GBF1: variants seen among roughly 807,000 people sequenced by gnomAD.
The protein encoded by GBF1 is Golgi-specific brefeldin A-resistance guanine nucleotide exchange factor 1.
In GBF1, 114 loss-of-function variants were observed where a neutral mutation model predicts 210.5. The ratio of observed to expected loss-of-function variants is 0.54; its 90% CI spans 0.47 to 0.63. The LOEUF is 0.63. GBF1 is among the 30% of genes least tolerant of loss of function. GBF1 has a pLI of 0.00. For missense variants in GBF1, 1,851 were observed against 2,357.7 expected (o/e 0.79, Z 4.45); for synonymous variants, 850 against 889.2 (o/e 0.96, Z 0.78).
intron 3 of GBF1, among the ~76,000 whole-genome samples, chr10:102,307,414 T>C (rs1589576297): frequency 7.0e-6 from 1 of 142,800 alleles, no homozygotes; most frequent in Admixed American, 7.3e-5. Flanking sequence ...GGAATTGTTA[T>C]AGTGATGTTC....
intron 3 of GBF1, among the ~76,000 whole-genome samples, chr10:102,278,861 T>G (rs2075237999): frequency 6.6e-6 from 1 of 152,242 alleles, no homozygotes; most frequent in African/African-American, 2.4e-5. Flanking sequence ...TGTTCATTGG[T>G]GATACTAATT....
Position 102,377,122 on chromosome 10 carries a change from T to A in GBF1, c.4476T>A (p.Ser1492=). Residue 1492 remains serine, a synonymous_variant, in exon 33 of 40, where the codon TCT becomes TCA. Transcript: ENST00000369983. Reference sequence around the variant, plus strand: ...TGCCTGCCAGCTACCATACGGTGTCTTTACAGGTCAGTCAGGACGTAAGTA... The same window carrying A: ...TGCCTGCCAGCTACCATACGGTGTCATTACAGGTCAGTCAGGACGTAAGTA... ...EGVPASYHTV[S]LQVSQDLLDL... is the part of the protein sequence containing the mutation. 6.2e-7 allele frequency: 1 copy of A among 1,613,728 alleles called. No individual in the cohort carries two copies. The highest frequency in any genetic ancestry group is 8.5e-7 in the Non-Finnish European group (1 of 1,179,670).
intron 3 of GBF1, among the ~76,000 whole-genome samples, chr10:102,289,371 G>C (rs2076250779): frequency 6.6e-6 from 1 of 152,130 alleles, no homozygotes. Flanking sequence ...GAGGTGGGTG[G>C]AAGTGTGGGG....
chr10:102,326,316 G>A (rs1043700302), intron 3 of GBF1, among the ~76,000 whole-genome samples: 4 of 152,142 alleles, frequency 2.6e-5, no homozygotes, highest in Non-Finnish European at 5.9e-5. Context: ...GCTTCAATGA[G>A]AATATTATAA....
chr10:102,330,686 C>CAA (rs200631331), intron 3 of GBF1, among the ~76,000 whole-genome samples: 1 of 146,910 alleles, frequency 6.8e-6, no homozygotes, highest in African/African-American at 2.5e-5. Flanking sequence ...AATTCCATCT[C>CAA]AAAAAAAAAA....
intron 3 of GBF1, among the ~76,000 whole-genome samples, chr10:102,297,008 G>A (rs1413717258): frequency 6.6e-6 from 1 of 150,406 alleles, no homozygotes; most frequent in Admixed American, 6.7e-5. Context: ...TCGCACTACT[G>A]TACTCCAGCC....
chr10:102,328,035 G>C (rs1208321673), intron 3 of GBF1, among the ~76,000 whole-genome samples: 1 of 152,188 alleles, frequency 6.6e-6, no homozygotes, highest in African/African-American at 2.4e-5. Context: ...TTACTGTCCA[G>C]CTCACAGACA....
chr10:102,252,526 G>A (rs888099164), intron 1 of GBF1, among the ~76,000 whole-genome samples: 2 of 152,102 alleles, frequency 1.3e-5, no homozygotes, highest in Non-Finnish European at 2.9e-5. Flanking sequence ...CAAAGGCAAA[G>A]AGGCAGCAAA....
chr10:102,369,455 C>A, intron 24 of GBF1, 68 bp downstream of exon 24: 1 of 1,266,266 alleles, frequency 7.9e-7, no homozygotes, highest in Non-Finnish European at 1.1e-6. Context: ...GCTACCTGTA[C>A]ATAGAAGTAA....
intron 3 of GBF1, among the ~76,000 whole-genome samples, chr10:102,314,468 C>T (rs1258225184): frequency 1.3e-5 from 2 of 152,070 alleles, no homozygotes; most frequent in Non-Finnish European, 2.9e-5. Flanking sequence ...ATTTGAGTGA[C>T]TTTTCCTCCT....
At chr10:102,319,081 G>A (rs1234128320) in intron 3 of GBF1, among the ~76,000 whole-genome samples, 2 of 152,158 alleles carry the variant, frequency 1.3e-5, no homozygotes, top group Admixed American at 6.6e-5. Context: ...ACTTTGGGAG[G>A]CTAAGGCAGA....
chr10:102,365,695 G>T, intron 18 of GBF1, 96 bp downstream of exon 18: 1 of 1,046,524 alleles, frequency 9.6e-7, no homozygotes, highest in Non-Finnish European at 1.5e-6. Context: ...CAGATCACTC[G>T]AGCTCAGGAG....
chr10:102,368,375 C>T lies in GBF1; in HGVS notation c.2800C>T (p.Pro934Ser). ...TGACCTCTTCACCATGACCTGGGGC[C>T]CCACTATTGCTGCTCTCTCTTATGT... is the stretch of plus-strand genomic sequence containing the variant. ...DLDLFTMTWG[P>S]TIAALSYVFD... The change falls in exon 22 of 40, where the codon CCC becomes TCC. Residue 934 changes from proline to serine, a missense_variant. By Grantham distance (74) the Pro-to-Ser change is moderately conservative. This residue lies in a region of GBF1 where 967 missense variants were observed against 1,247.7 expected (regional missense o/e 0.78). Coordinates refer to ENST00000369983, the MANE Select transcript of GBF1 (RefSeq NM_001377137.1). The T allele has an allele frequency of 1.2e-6, 2 of 1,614,038 alleles. No individual in the cohort carries two copies. Among genetic ancestry groups the T allele is most frequent in the Non-Finnish European group, 1.7e-6 (2 of 1,179,906 alleles).
chr10:102,287,084 T>C (rs2076012548), intron 3 of GBF1, among the ~76,000 whole-genome samples: 1 of 152,162 alleles, frequency 6.6e-6, no homozygotes, highest in African/African-American at 2.4e-5. Flanking sequence ...AATGGTATCA[T>C]AGGCAATAAC....
intron 3 of GBF1, among the ~76,000 whole-genome samples, chr10:102,332,633 C>G (rs1373897662): frequency 1.3e-5 from 2 of 152,126 alleles, no homozygotes; most frequent in Non-Finnish European, 1.5e-5. Flanking sequence ...ATTCGCCCAC[C>G]TTTGCCTACC....
chr10:102,269,794 T>C (rs2074216839), intron 3 of GBF1, among the ~76,000 whole-genome samples: 1 of 152,122 alleles, frequency 6.6e-6, no homozygotes, highest in African/African-American at 2.4e-5. Context: ...ACAACTGCCC[T>C]GGGCTACAGT....
At chr10:102,338,348 C>G (rs1486021324) in intron 3 of GBF1, among the ~76,000 whole-genome samples, 1 of 148,000 alleles carries the variant, frequency 6.8e-6, no homozygotes, top group Non-Finnish European at 1.5e-5. Context: ...TGAAGCAATT[C>G]TCATGCCTCA....
intron 3 of GBF1, among the ~76,000 whole-genome samples, chr10:102,289,408 A>G (rs918738984): frequency 3.9e-5 from 6 of 152,154 alleles, no homozygotes; most frequent in East Asian, 3.9e-4. Flanking sequence ...GGTTGTTACA[A>G]TGGAGAATCA....
intron 3 of GBF1, among the ~76,000 whole-genome samples, chr10:102,261,213 G>A (rs1565026472): frequency 6.6e-5 from 10 of 151,532 alleles, no homozygotes; most frequent in Admixed American, 5.9e-4. Flanking sequence ...AGAAGAGAAT[G>A]TACACATTAA....
Sources: gnomAD v4.1 joint callset for allele counts (sites outside exome capture counted in the v4.1 genomes callset) on GRCh38, gnomAD v4.1.1 for gene constraint, gnomAD v4.1.1 regional missense constraint, MANE v1.5 for transcripts, NCBI Gene and HGNC (gene_info 2026-07-23, HGNC 2026-07-21) for gene names.